LMO7: variants seen among roughly 807,000 people sequenced by gnomAD.
LMO7 encodes the protein LIM domain 7, also known as LIM domain only protein 7.
A neutral mutation model predicts 206.5 loss-of-function variants in LMO7; 120 were observed. The ratio of observed to expected loss-of-function variants is 0.58; its 90% CI spans 0.50 to 0.68. LMO7 has a LOEUF of 0.68. Among genes scored for constraint, LMO7 ranks in the 30% least tolerant of loss-of-function variants. The probability of loss-of-function intolerance (pLI) is 0.00; values close to 1 mark genes in which losing one functional copy is unlikely to be tolerated. For missense variants in LMO7, 1,959 were observed against 1,957.9 expected, an observed-to-expected ratio of 1.00 and a Z score of -0.01; for synonymous variants, 706 against 681.5, an observed-to-expected ratio of 1.04 and a Z score of -0.56.
chr13:75,830,880 T>G (rs1458905678), intron 15 of LMO7, among the ~76,000 whole-genome samples: 1 of 152,212 alleles, frequency 6.6e-6, no homozygotes, highest in Non-Finnish European at 1.5e-5. Flanking sequence ...ATCCTGTCTT[T>G]TATTCTTCAA....
chr13:75,842,580 G>A (rs2059637360), intron 24 of LMO7, among the ~76,000 whole-genome samples: 1 of 152,084 alleles, frequency 6.6e-6, no homozygotes, highest in Non-Finnish European at 1.5e-5. Flanking sequence ...TTTGTTTTGT[G>A]TACTCCTATA....
Position 75,807,819 on chromosome 13 carries a change from G to C in LMO7, c.1536G>C (p.Leu512Phe). 6.2e-7 allele frequency: 1 copy of C among 1,613,772 alleles called. No homozygotes were observed. The highest frequency in any genetic ancestry group is 8.5e-7 in the Non-Finnish European group (1 of 1,179,840). The change falls in exon 10 of 31, where the codon TTG becomes TTC. Residue 512 changes from leucine (L) to phenylalanine (F), a missense_variant. Transcript: ENST00000377534. ...CREGELVLPD[L>F]EKDDMIVRRI... ...AAGGTGAACTTGTACTTCCGGATTT[G>C]GAAAAAGATGATATGATTGTTCGCC...
At chr13:75,743,035 A>T (rs1409501810) in intron 3 of LMO7, among the ~76,000 whole-genome samples, 1 of 152,140 alleles carries the variant, frequency 6.6e-6, no homozygotes, top group Non-Finnish European at 1.5e-5. Flanking sequence ...AGAAAAAACA[A>T]CCCCACAAAA....
At chr13:75,742,417 G>A (rs2046488569) in intron 3 of LMO7, among the ~76,000 whole-genome samples, 1 of 152,098 alleles carries the variant, frequency 6.6e-6, no homozygotes, top group Non-Finnish European at 1.5e-5. Flanking sequence ...AATAGCCAGG[G>A]TAATTCTAAG....
intron 9 of LMO7, 190 bp downstream of exon 9, chr13:75,805,950 G>T: frequency 8.8e-7 from 1 of 1,133,790 alleles, no homozygotes. Flanking sequence ...ATCTTAAAAA[G>T]CCCTGTTCTA....
chr13:75,667,947 G>A (rs891088655), intron 1 of LMO7, among the ~76,000 whole-genome samples: 1 of 152,222 alleles, frequency 6.6e-6, no homozygotes, highest in South Asian at 2.1e-4. Flanking sequence ...AGTGGCTCAT[G>A]CCTGTAATCC....
At chr13:75,767,451 A>G (rs1295988197) in intron 4 of LMO7, among the ~76,000 whole-genome samples, 1 of 152,188 alleles carries the variant, frequency 6.6e-6, no homozygotes, top group African/African-American at 2.4e-5. Flanking sequence ...GAAGTCATCA[A>G]TATTACTTTA....
intron 1 of LMO7, among the ~76,000 whole-genome samples, chr13:75,638,408 G>T (rs190169323): frequency 3.3e-5 from 5 of 152,060 alleles, no homozygotes; most frequent in Admixed American, 3.3e-4. Flanking sequence ...ATATCATTGC[G>T]CATATTACAT....
intron 3 of LMO7, among the ~76,000 whole-genome samples, chr13:75,759,956 G>T (rs2048015585): frequency 6.6e-6 from 1 of 152,136 alleles, no homozygotes; most frequent in African/African-American, 2.4e-5. Context: ...GTGTTGGCAT[G>T]CTGGGAGGCC....
Position 75,751,221 on chromosome 13 carries a change from C to T in LMO7, c.211-9711C>T, listed in dbSNP as rs1469748984. On this transcript the variant is annotated intron_variant, in intron 3 of 30. Transcript: ENST00000377534. ...TGTCGCCCAGGCTGGAGTTCAGCGG[C>T]GTGATCTCGGCTCACTGCAAGCTCC... Among the ~76,000 whole-genome samples the T allele has an allele frequency of 5.8e-5, 7 of 121,468 alleles. 1 individual carries two copies. In the East Asian group the frequency reaches 1.0e-3, roughly 18 times the overall value. 79.7% of individuals were successfully genotyped at this position (121,468 alleles called of 152,430 possible). A position where few individuals can be genotyped will look rare whatever the true frequency, so the allele number is the denominator to read the frequency against.
At chr13:75,838,543 C>T in intron 20 of LMO7, 1 of 290,004 alleles carries the variant, frequency 3.4e-6, no homozygotes, top group Non-Finnish European at 6.4e-6. Flanking sequence ...TTCATTTAAG[C>T]CTTACTGCTT....
intron 1 of LMO7, among the ~76,000 whole-genome samples, chr13:75,643,596 A>T (rs972399533): frequency 6.6e-6 from 1 of 152,252 alleles, no homozygotes. Flanking sequence ...GGAATTATGC[A>T]TACCTGTACT....
intron 15 of LMO7, among the ~76,000 whole-genome samples, chr13:75,828,554 G>A (rs1250914450): frequency 6.6e-6 from 1 of 152,166 alleles, no homozygotes; most frequent in Non-Finnish European, 1.5e-5. Flanking sequence ...AGGAAAGGTG[G>A]TATTATATGT....
chr13:75,838,123 A>AT lies in LMO7; in HGVS notation c.3395-8dup, dbSNP rs760586415. The AT allele has an allele frequency of 1.1e-3, 1,546 of 1,442,478 alleles. No homozygotes were observed. Among genetic ancestry groups the AT allele is most frequent in the Non-Finnish European group, 1.3e-3 (1,332 of 1,030,002 alleles). 89.4% of individuals were successfully genotyped at this position (1,442,478 alleles called of 1,614,324 possible). A position where few individuals can be genotyped will look rare whatever the true frequency, so the allele number is the denominator to read the frequency against. The stretch of plus-strand genomic sequence containing the variant: ...AATAAAAATGAATGACATAGTGTTT[A>AT]TTTTTTTTTCAACTAGCATCTGAAT... On this transcript the variant is annotated splice_polypyrimidine_tract_variant and intron_variant, in intron 19 of 30. Coordinates refer to ENST00000377534, the MANE Select transcript of LMO7 (RefSeq NM_001306080.2).
chr13:75,825,455 C>T (rs1006307456), intron 15 of LMO7, among the ~76,000 whole-genome samples: 1 of 152,074 alleles, frequency 6.6e-6, no homozygotes, highest in Non-Finnish European at 1.5e-5. Flanking sequence ...AAGTGTGGTG[C>T]GTGGTTGTGT....
upstream of LMO7, among the ~76,000 whole-genome samples, chr13:75,635,595 G>T (rs2035685274): frequency 6.6e-6 from 1 of 152,210 alleles, no homozygotes; most frequent in Non-Finnish European, 1.5e-5. Context: ...GGGCTGAGCG[G>T]GCGGGAAGTG....
chr13:75,826,171 G>T (rs1301636403), intron 15 of LMO7, among the ~76,000 whole-genome samples: 1 of 152,002 alleles, frequency 6.6e-6, no homozygotes, highest in Middle Eastern at 3.2e-3. Flanking sequence ...CTCTTGAGTA[G>T]CTGGGACTGC....
intron 4 of LMO7, among the ~76,000 whole-genome samples, chr13:75,777,708 C>T (rs1186192987): frequency 1.4e-5 from 2 of 139,638 alleles, no homozygotes; most frequent in Non-Finnish European, 1.5e-5. Context: ...TGCAGTGGGG[C>T]GATCCCGGCT....
chr13:75,701,008 GTTCA>G (rs1209275753), intron 1 of LMO7, among the ~76,000 whole-genome samples: 1 of 152,062 alleles, frequency 6.6e-6, no homozygotes, highest in Non-Finnish European at 1.5e-5. Flanking sequence ...TGTTCTATTT[GTTCA>G]TTCATCAGTT....
Sources: gnomAD v4.1 joint callset for allele counts (sites outside exome capture counted in the v4.1 genomes callset) on GRCh38, gnomAD v4.1.1 for gene constraint, MANE v1.5 for transcripts, NCBI Gene and HGNC (gene_info 2026-07-23, HGNC 2026-07-21) for gene names.